IL1RAPL1: variants seen among roughly 807,000 people sequenced by gnomAD.
The protein encoded by IL1RAPL1 is interleukin-1 receptor accessory protein-like 1.
IL1RAPL1 carries 3 observed loss-of-function variants against 48.4 expected under a neutral mutation model. The observed-to-expected ratio is 0.06, with a 90% CI of 0.03 to 0.16. The LOEUF is 0.16. Among genes scored for constraint, IL1RAPL1 ranks in the 10% least tolerant of loss-of-function variants. The pLI, the probability that IL1RAPL1 is intolerant of heterozygous loss-of-function variation, is 1.00. For missense variants in IL1RAPL1, 349 were observed against 530.6 expected (o/e 0.66, Z 3.36); for synonymous variants, 185 against 187.7 (o/e 0.99, Z 0.12).
intron 7 of IL1RAPL1, among the ~76,000 whole-genome samples, chrX:29,918,096 C>T (rs1310161461): frequency 4.8e-5 from 3 of 63,145 alleles, no homozygotes; most frequent in African/African-American, 2.0e-4. Flanking sequence ...GCACTCCAGC[C>T]TGAACAACAG....
chrX:29,854,604 C>G (rs1181543386), intron 6 of IL1RAPL1, among the ~76,000 whole-genome samples: 1 of 111,223 alleles, frequency 9.0e-6, no homozygotes, highest in Non-Finnish European at 1.9e-5. Context: ...CCCCTTTTCA[C>G]TAACTGTGAC....
chrX:29,764,943 C>T lies in IL1RAPL1; in HGVS notation c.778+96439C>T, dbSNP rs142004488. Among the ~76,000 whole-genome samples the T allele has an allele frequency of 9.6e-3, 1,071 of 112,029 alleles. 44 individuals are homozygous for T. The East Asian group carries it at 0.15, about 15-fold the overall frequency. ...TGAGATACTAAACTAGGACAAGAGC[C>T]GCTGCTGAAAAGCTCATGGCTGATA... On this transcript the variant is annotated intron_variant, in intron 6 of 10. Transcript: ENST00000378993.
chrX:29,631,514 C>T (rs964385404), intron 5 of IL1RAPL1, among the ~76,000 whole-genome samples: 6 of 112,157 alleles, frequency 5.3e-5, no homozygotes, highest in African/African-American at 1.6e-4. Flanking sequence ...CTCCTGGGTT[C>T]GGGCATTCTG....
chrX:29,776,466 A>G (rs1220250125), intron 6 of IL1RAPL1, among the ~76,000 whole-genome samples: 2 of 111,771 alleles, frequency 1.8e-5, no homozygotes, highest in Admixed American at 1.9e-4. Flanking sequence ...ACTCTGTCCT[A>G]TATTGTAGTG....
intron 3 of IL1RAPL1, among the ~76,000 whole-genome samples, chrX:29,366,553 A>ATTTTTTT (rs34164964): frequency 1.1e-4 from 4 of 37,259 alleles, no homozygotes; most frequent in Non-Finnish European, 1.7e-4. Flanking sequence ...TGATAGGTCA[A>ATTTTTTT]TTTTTTTTTT....
intron 2 of IL1RAPL1, among the ~76,000 whole-genome samples, chrX:28,987,485 C>T (rs918907050): frequency 8.9e-6 from 1 of 111,868 alleles, no homozygotes; most frequent in Non-Finnish European, 1.9e-5. Flanking sequence ...GAAAGCAATA[C>T]ATATGAACAG....
intron 1 of IL1RAPL1, among the ~76,000 whole-genome samples, chrX:28,697,114 T>C (rs1197278146): frequency 9.0e-6 from 1 of 111,704 alleles, no homozygotes; most frequent in Non-Finnish European, 1.9e-5. Context: ...TTAATTTGCC[T>C]AATGACTTGT....
intron 3 of IL1RAPL1, among the ~76,000 whole-genome samples, chrX:29,289,722 G>A (rs946786167): frequency 2.5e-4 from 28 of 111,694 alleles, no homozygotes; most frequent in Admixed American, 8.5e-4. Flanking sequence ...GTGCCTCCAC[G>A]TATTTAGGAC....
intron 5 of IL1RAPL1, among the ~76,000 whole-genome samples, chrX:29,412,519 G>T (rs759738048): frequency 1.8e-5 from 2 of 112,022 alleles, no homozygotes; most frequent in African/African-American, 3.2e-5. Flanking sequence ...TTTTTATATT[G>T]ATATCATGTT....
intron 1 of IL1RAPL1, among the ~76,000 whole-genome samples, chrX:28,624,019 T>C (rs1166277065): frequency 8.9e-6 from 1 of 111,876 alleles, no homozygotes; most frequent in Admixed American, 9.5e-5. Flanking sequence ...AAAAATTAAT[T>C]TGAACATTTC....
At chrX:29,260,444 A>G (rs1388456264) in intron 2 of IL1RAPL1, among the ~76,000 whole-genome samples, 1 of 112,141 alleles carries the variant, frequency 8.9e-6, no homozygotes, top group African/African-American at 3.2e-5. Context: ...CAGCACACAA[A>G]ACAGCTTGTG....
At chrX:28,715,094 G>A (rs1194699416) in intron 1 of IL1RAPL1, among the ~76,000 whole-genome samples, 5 of 112,224 alleles carry the variant, frequency 4.5e-5, no homozygotes, top group East Asian at 2.8e-4. Context: ...TAGAATATAC[G>A]TTCTTCTCAT....
At chrX:29,513,871 T>C (rs1272644953) in intron 5 of IL1RAPL1, among the ~76,000 whole-genome samples, 1 of 112,133 alleles carries the variant, frequency 8.9e-6, no homozygotes, top group East Asian at 2.8e-4. Flanking sequence ...AAATTTTATT[T>C]AAAAAGAATC....
intron 1 of IL1RAPL1, among the ~76,000 whole-genome samples, chrX:28,627,385 C>T (rs749250669): frequency 3.6e-5 from 4 of 111,801 alleles, no homozygotes; most frequent in African/African-American, 9.7e-5. Context: ...CTCGCTAATG[C>T]AGCTCTTCTG....
chrX:29,345,982 G>T (rs1264358170), intron 3 of IL1RAPL1, among the ~76,000 whole-genome samples: 1 of 111,591 alleles, frequency 9.0e-6, no homozygotes, highest in Non-Finnish European at 1.9e-5. Context: ...ACTTTCTCTG[G>T]CTTTGAGTTG....
chrX:29,219,100 G>A (rs935827829), intron 2 of IL1RAPL1, among the ~76,000 whole-genome samples: 1 of 112,055 alleles, frequency 8.9e-6, no homozygotes, highest in African/African-American at 3.2e-5. Flanking sequence ...AATGGAAACA[G>A]TTGCATAACT....
chrX:28,631,878 T>C (rs1934404754), intron 1 of IL1RAPL1, among the ~76,000 whole-genome samples: 1 of 112,470 alleles, frequency 8.9e-6, no homozygotes, highest in South Asian at 3.6e-4. Flanking sequence ...GTCAAGAGCC[T>C]GTGCTCAAAA....
chrX:29,378,156 A>G (rs1933647945), intron 3 of IL1RAPL1, among the ~76,000 whole-genome samples: 1 of 109,224 alleles, frequency 9.2e-6, no homozygotes. Context: ...AGTTTGGTCT[A>G]TTCTGCTATT....
intron 3 of IL1RAPL1, among the ~76,000 whole-genome samples, chrX:29,381,521 A>AAAAAAAAAAAAAAAAAAAC (rs1933699679): frequency 1.0e-5 from 1 of 95,961 alleles, no homozygotes; most frequent in East Asian, 3.2e-4. Context: ...AAAAAAAAAA[A>AAAAAAAAAAAAAAAAAAAC]AAAAAAAACT....
Sources: allele counts gnomAD v4.1 joint callset (sites outside exome capture counted in the v4.1 genomes callset), GRCh38; gene constraint gnomAD v4.1.1; transcripts MANE v1.5; gene names NCBI Gene and HGNC (gene_info 2026-07-23, HGNC 2026-07-21).